The following LIPJ variants were observed in gnomAD, a reference collection of about 807,000 sequenced individuals.
LIPJ encodes the protein lipase member J.
Under a neutral mutation model 39.8 loss-of-function variants are expected in LIPJ, and 33 were observed. That is an observed-to-expected ratio of 0.83 (90% confidence interval 0.63 to 1.11). The LOEUF (loss-of-function observed/expected upper bound fraction) is 1.11. Among genes scored for constraint, LIPJ ranks in the 50% least tolerant of loss-of-function variants. The pLI, the probability that LIPJ is intolerant of heterozygous loss-of-function variation, is 0.00. For missense variants in LIPJ, 422 were observed against 427.9 expected (o/e 0.99, Z 0.12); for synonymous variants, 128 against 139.2 (o/e 0.92, Z 0.57).
At chr10:88,614,530 T>C in the LIPJ span, among the ~76,000 whole-genome samples, 1 of 152,142 alleles carries the variant, frequency 6.6e-6, no homozygotes, top group Admixed American at 6.5e-5. Flanking sequence ...AACCTGTGTA[T>C]TAAAATACTA....
the LIPJ span, among the ~76,000 whole-genome samples, chr10:88,617,002 C>T: frequency 6.6e-6 from 1 of 152,244 alleles, no homozygotes; most frequent in Non-Finnish European, 1.5e-5. Flanking sequence ...CCCCTAATCC[C>T]ATAGCCCCAC....
chr10:88,617,341 T>C, the LIPJ span, among the ~76,000 whole-genome samples: 1 of 152,152 alleles, frequency 6.6e-6, no homozygotes, highest in African/African-American at 2.4e-5. Flanking sequence ...AAAAATTCTT[T>C]AAAAATTCAG....
chr10:88,618,281 A>G, the LIPJ span: 1 of 152,250 alleles, frequency 6.6e-6, no homozygotes, highest in Non-Finnish European at 1.5e-5. Context: ...ATTTTCACCT[A>G]CAAATGGGTG....
At chr10:88,596,437 A>G in intron 7 of LIPJ, 21 bp downstream of exon 7, 1 of 1,469,124 alleles carries the variant, frequency 6.8e-7, no homozygotes, top group East Asian at 2.5e-5. Flanking sequence ...CCTTTATTTT[A>G]TGTCATTGAT....
downstream of LIPJ, among the ~76,000 whole-genome samples, chr10:88,609,785 G>C (rs183027575): frequency 7.3e-3 from 1,110 of 151,760 alleles, 28 homozygotes; most frequent in South Asian, 0.083. Flanking sequence ...TGTAGTCCCA[G>C]CTACTCGGGA....
the LIPJ span, among the ~76,000 whole-genome samples, chr10:88,622,091 C>T: frequency 6.6e-6 from 1 of 152,196 alleles, no homozygotes; most frequent in African/African-American, 2.4e-5. Context: ...TCCTCCTGAG[C>T]TCACCCTTGG....
chr10:88,594,618 C>T, intron 5 of LIPJ, 49 bp from the exon 6 acceptor site: 1 of 860,042 alleles, frequency 1.2e-6, no homozygotes, highest in Non-Finnish European at 1.8e-6. Context: ...CAAATACTAA[C>T]ATAACATTAG....
intron 4 of LIPJ, chr10:88,592,320 T>TC (rs1851107144): frequency 6.6e-6 from 1 of 151,732 alleles, no homozygotes; most frequent in Non-Finnish European, 1.5e-5. Flanking sequence ...ATAGTAATTA[T>TC]CCCCCAAGCT....
chr10:88,620,374 ATAT>A, the LIPJ span, among the ~76,000 whole-genome samples: 2 of 152,234 alleles, frequency 1.3e-5, no homozygotes, highest in Non-Finnish European at 2.9e-5. Flanking sequence ...CTGGATAATT[ATAT>A]TATTATGATT....
At chr10:88,618,496 A>C in the LIPJ span, 1 of 152,420 alleles carries the variant, frequency 6.6e-6, no homozygotes, top group African/African-American at 2.4e-5. Context: ...ATGCTTATAT[A>C]TTAGTTTATT....
intron 2 of LIPJ, among the ~76,000 whole-genome samples, chr10:88,588,130 A>G (rs1850968058): frequency 6.6e-6 from 1 of 150,564 alleles, no homozygotes; most frequent in Admixed American, 6.6e-5. Flanking sequence ...AATTGTTTGA[A>G]ACATATTTAA....
At chr10:88,622,271 T>C in the LIPJ span, among the ~76,000 whole-genome samples, 1 of 152,186 alleles carries the variant, frequency 6.6e-6, no homozygotes, top group Non-Finnish European at 1.5e-5. Flanking sequence ...CTTAGCTTCT[T>C]CCCCTTCTTT....
downstream of LIPJ, among the ~76,000 whole-genome samples, chr10:88,609,194 A>G (rs1851722034): frequency 6.6e-6 from 1 of 152,212 alleles, no homozygotes; most frequent in Non-Finnish European, 1.5e-5. Context: ...TATAAATTAA[A>G]CATACAGATA....
the LIPJ span, among the ~76,000 whole-genome samples, chr10:88,622,757 C>T: frequency 6.6e-6 from 1 of 152,078 alleles, no homozygotes; most frequent in African/African-American, 2.4e-5. Context: ...TTAGAAAGCA[C>T]TATGGACTTT....
chr10:88,586,016 T>C (rs1222443910), upstream of LIPJ, among the ~76,000 whole-genome samples: 1 of 152,246 alleles, frequency 6.6e-6, no homozygotes, highest in Non-Finnish European at 1.5e-5. Context: ...GATTTTCCAC[T>C]TATCTATGGC....
At chr10:88,604,151 G>A (rs10887841) in intron 9 of LIPJ, among the ~76,000 whole-genome samples, 71,470 of 151,956 alleles carry the variant, frequency 0.47, 16,977 homozygotes, top group African/African-American at 0.52. Flanking sequence ...GTAGGGAAAA[G>A]GTATTAGGCA....
chr10:88,594,315 T>C, intron 5 of LIPJ, 171 bp downstream of exon 5: 1 of 587,326 alleles, frequency 1.7e-6, no homozygotes, highest in Non-Finnish European at 3.0e-6. Flanking sequence ...TTGTGTGATT[T>C]TGAGTTTGAT....
downstream of LIPJ, among the ~76,000 whole-genome samples, chr10:88,609,926 T>C (rs111500764): frequency 2.0e-3 from 295 of 146,292 alleles, 1 homozygote; most frequent in African/African-American, 6.9e-3. Context: ...AAAGGAAACC[T>C]GAAGAAGTGA....
the LIPJ span, among the ~76,000 whole-genome samples, chr10:88,622,560 G>T: frequency 6.6e-6 from 1 of 152,136 alleles, no homozygotes; most frequent in Non-Finnish European, 1.5e-5. Context: ...TTTCTAATAA[G>T]TTCCCAGATG....
Sources: gnomAD v4.1 joint callset for allele counts (sites outside exome capture counted in the v4.1 genomes callset) on GRCh38, gnomAD v4.1.1 for gene constraint, MANE v1.5 for transcripts, NCBI Gene and HGNC (gene_info 2026-07-23, HGNC 2026-07-21) for gene names.